CNOT4: variants seen among roughly 807,000 people sequenced by gnomAD.
CNOT4 encodes CCR4-NOT transcription complex subunit 4, also known as CCR4-associated factor 4.
Under a neutral mutation model 73.8 loss-of-function variants are expected in CNOT4, and 8 were observed. That is an observed-to-expected ratio of 0.11 (90% CI 0.06 to 0.20). The LOEUF (loss-of-function observed/expected upper bound fraction) is 0.20. Ranked by LOEUF, CNOT4 falls within the 10% of genes least tolerant of loss-of-function variation. CNOT4 has a pLI of 1.00. For missense variants in CNOT4, 564 were observed against 883.4 expected, an observed-to-expected ratio of 0.64 and a Z score of 4.58; for synonymous variants, 293 against 321.1, an observed-to-expected ratio of 0.91 and a Z score of 0.94.
intron 7 of CNOT4, 30 bp from the exon 8 acceptor site, chr7:135,398,256 C>A (rs1462016918): frequency 4.4e-6 from 5 of 1,139,958 alleles, no homozygotes; most frequent in Non-Finnish European, 6.6e-6. Flanking sequence ...TGAATAAAAT[C>A]AGAATATAGT....
intron 2 of CNOT4, among the ~76,000 whole-genome samples, chr7:135,430,838 G>A (rs1390700826): frequency 6.6e-6 from 1 of 152,072 alleles, no homozygotes; most frequent in Non-Finnish European, 1.5e-5. Flanking sequence ...TGCACACACA[G>A]CAACATACTT....
intron 1 of CNOT4, among the ~76,000 whole-genome samples, 153 bp from the exon 2 acceptor site, chr7:135,438,576 T>C (rs1200852892): frequency 6.6e-6 from 1 of 152,206 alleles, no homozygotes; most frequent in African/African-American, 2.4e-5. Context: ...TCTGAAAATT[T>C]TGAATACCAA....
chr7:135,367,170 G>C (rs1396448238), intron 10 of CNOT4, among the ~76,000 whole-genome samples: 1 of 152,078 alleles, frequency 6.6e-6, no homozygotes, highest in Non-Finnish European at 1.5e-5. Flanking sequence ...TTCTAGGGAA[G>C]CAAAATTGTA....
At chr7:135,435,763 A>G (rs1402555437) in intron 2 of CNOT4, among the ~76,000 whole-genome samples, 2 of 152,158 alleles carry the variant, frequency 1.3e-5, no homozygotes, top group Non-Finnish European at 2.9e-5. Flanking sequence ...TTACTGCAAG[A>G]TTCTCCTTTG....
intron 1 of CNOT4, among the ~76,000 whole-genome samples, chr7:135,488,364 C>CA (rs1802881037): frequency 6.6e-6 from 1 of 152,166 alleles, no homozygotes; most frequent in African/African-American, 2.4e-5. Flanking sequence ...AGGCACATGC[C>CA]ATCACACCCA....
chr7:135,486,652 A>G (rs1301288024), intron 1 of CNOT4, among the ~76,000 whole-genome samples: 1 of 152,210 alleles, frequency 6.6e-6, no homozygotes, highest in Non-Finnish European at 1.5e-5. Context: ...AAGAACCAAA[A>G]TGTCCTTCAG....
intron 7 of CNOT4, 128 bp downstream of exon 7, chr7:135,410,387 C>T (rs1012851334): frequency 5.0e-6 from 3 of 603,372 alleles, no homozygotes; most frequent in Non-Finnish European, 7.9e-6. Flanking sequence ...ATTTCCCATA[C>T]AGCTAAACAA....
chr7:135,493,092 A>G lies in CNOT4; in HGVS notation c.-93+16797T>C, dbSNP rs141427693. On this transcript the variant is annotated intron_variant, in intron 1 of 11. Coordinates refer to ENST00000541284, the MANE Select transcript of CNOT4 (RefSeq NM_001190850.2). ...CAAGAGAATGGTGGACAACTGCCCC[A>G]TCTCCAGGCTCTTGGTTCCAGTCAG... Among the ~76,000 whole-genome samples the G allele has an allele frequency of 5.9e-3, 906 of 152,312 alleles. 13 individuals carry two copies. The highest frequency in any genetic ancestry group is 0.021 in the African/African-American group (853 of 41,572).
At chr7:135,421,190 A>T (rs1189959847) in intron 3 of CNOT4, among the ~76,000 whole-genome samples, 1 of 152,130 alleles carries the variant, frequency 6.6e-6, no homozygotes. Context: ...TTTTAAATTA[A>T]TTTTTACAAA....
chr7:135,368,466 A>G (rs774198251), intron 10 of CNOT4, among the ~76,000 whole-genome samples: 18 of 152,254 alleles, frequency 1.2e-4, no homozygotes, highest in Non-Finnish European at 2.2e-4. Flanking sequence ...AAGTCTAGAC[A>G]GTGGGACAAT....
chr7:135,439,254 T>G (rs1356473519), intron 1 of CNOT4, among the ~76,000 whole-genome samples: 1 of 152,190 alleles, frequency 6.6e-6, no homozygotes. Context: ...AATTCTATAG[T>G]AATCCCCACC....
At chr7:135,377,425 T>A (rs967555753) in intron 10 of CNOT4, among the ~76,000 whole-genome samples, 1 of 152,216 alleles carries the variant, frequency 6.6e-6, no homozygotes, top group African/African-American at 2.4e-5. Flanking sequence ...TAATGAGAAG[T>A]CTTTGTACCT....
intron 10 of CNOT4, among the ~76,000 whole-genome samples, chr7:135,375,981 G>A (rs1402219186): frequency 6.6e-6 from 1 of 150,558 alleles, no homozygotes; most frequent in Non-Finnish European, 1.5e-5. Context: ...GGGGGTGTTG[G>A]AAAAATAAGG....
intron 2 of CNOT4, among the ~76,000 whole-genome samples, chr7:135,430,653 A>T (rs947617787): frequency 6.6e-6 from 1 of 152,196 alleles, no homozygotes; most frequent in Non-Finnish European, 1.5e-5. Flanking sequence ...GCTTTAAAAA[A>T]AACCAAAAAA....
At chr7:135,431,194 G>A (rs1264760103) in intron 2 of CNOT4, among the ~76,000 whole-genome samples, 2 of 152,212 alleles carry the variant, frequency 1.3e-5, no homozygotes, top group Non-Finnish European at 2.9e-5. Context: ...GAGCCCAGGA[G>A]TTCTAGACTG....
intron 1 of CNOT4, among the ~76,000 whole-genome samples, chr7:135,455,104 G>C (rs1410816855): frequency 6.6e-6 from 1 of 151,610 alleles, no homozygotes; most frequent in Admixed American, 6.6e-5. Flanking sequence ...GGACAGGACA[G>C]GACAGGAAGA....
intron 5 of CNOT4, among the ~76,000 whole-genome samples, chr7:135,414,086 T>C (rs1299884704): frequency 1.3e-5 from 2 of 152,042 alleles, no homozygotes; most frequent in African/African-American, 2.4e-5. Flanking sequence ...ATAAGATATA[T>C]GTAAAAATGC....
chr7:135,479,876 T>A (rs1376235004), intron 1 of CNOT4, among the ~76,000 whole-genome samples: 1 of 151,972 alleles, frequency 6.6e-6, no homozygotes, highest in African/African-American at 2.4e-5. Context: ...GGTGACAGAG[T>A]GAGAACTTAC....
intron 10 of CNOT4, among the ~76,000 whole-genome samples, chr7:135,375,328 A>G (rs374332065): frequency 7.9e-5 from 12 of 152,330 alleles, no homozygotes; most frequent in African/African-American, 2.6e-4. Context: ...GTTAACAGAC[A>G]AGTGGTCTTC....
Sources: gnomAD v4.1 joint callset for allele counts (sites outside exome capture counted in the v4.1 genomes callset) on GRCh38, gnomAD v4.1.1 for gene constraint, MANE v1.5 for transcripts, NCBI Gene and HGNC (gene_info 2026-07-23, HGNC 2026-07-21) for gene names.